Variants in PRSS3 observed in about 807,000 individuals in gnomAD.
PRSS3 encodes trypsin-3.
Under a neutral mutation model 20.8 loss-of-function variants are expected in PRSS3, and 14 were observed. That is an observed-to-expected ratio of 0.67 (90% confidence interval 0.44 to 1.05). The LOEUF (loss-of-function observed/expected upper bound fraction) is 1.05. Ranked by LOEUF, PRSS3 falls within the 50% of genes least tolerant of loss-of-function variation. PRSS3 has a pLI of 0.00. For synonymous variants in PRSS3, 91 were observed against 117.6 expected (o/e 0.77, Z 1.46); for missense variants, 237 against 306.4 (o/e 0.77, Z 1.69).
intron 1 of PRSS3, among the ~76,000 whole-genome samples, chr9:33,784,429 G>A (rs910771927): frequency 3.9e-5 from 6 of 152,196 alleles, no homozygotes; most frequent in African/African-American, 9.6e-5. Flanking sequence ...ACTTAGCAGA[G>A]TTTATCTTGA....
chr9:33,786,724 C>T (rs753387362), intron 1 of PRSS3: 2 of 766,076 alleles, frequency 2.6e-6, no homozygotes, highest in Non-Finnish European at 4.8e-6. Context: ...GCAGATTTGT[C>T]ATTGACAAGT....
chr9:33,769,718 T>A (rs781222824), intron 1 of PRSS3, among the ~76,000 whole-genome samples: 34 of 152,144 alleles, frequency 2.2e-4, no homozygotes, highest in Non-Finnish European at 1.8e-4. Context: ...ACTGGTGCCA[T>A]TTCCTTGGTT....
chr9:33,779,013 G>A (rs1824063945), intron 1 of PRSS3, among the ~76,000 whole-genome samples: 1 of 152,194 alleles, frequency 6.6e-6, no homozygotes. Flanking sequence ...GAAACCAGGT[G>A]CAAGAATTCA....
intron 1 of PRSS3, among the ~76,000 whole-genome samples, chr9:33,779,081 T>A (rs1824067234): frequency 1.3e-5 from 2 of 152,168 alleles, no homozygotes; most frequent in South Asian, 4.1e-4. Context: ...CAGAAATGAA[T>A]CCAACTGACC....
chr9:33,772,598 G>A (rs944533365), intron 1 of PRSS3, among the ~76,000 whole-genome samples: 1 of 151,648 alleles, frequency 6.6e-6, no homozygotes, highest in African/African-American at 2.4e-5. Flanking sequence ...CGCTCTTGTC[G>A]CTCTTCTTGC....
intron 1 of PRSS3, among the ~76,000 whole-genome samples, chr9:33,781,998 GC>G (rs1587388277): frequency 1.3e-5 from 2 of 152,198 alleles, no homozygotes; most frequent in African/African-American, 2.4e-5. Context: ...ACGCCCTTGT[GC>G]ATATTTATAT....
intron 1 of PRSS3, among the ~76,000 whole-genome samples, chr9:33,778,517 T>C (rs116899754): frequency 0.02 from 3,107 of 152,252 alleles, 42 homozygotes; most frequent in Non-Finnish European, 0.032. Flanking sequence ...TTACAACATA[T>C]AAAAATTATA....
chr9:33,764,419 G>C (rs1392937000), intron 1 of PRSS3, among the ~76,000 whole-genome samples: 1 of 152,272 alleles, frequency 6.6e-6, no homozygotes, highest in Non-Finnish European at 1.5e-5. Flanking sequence ...TGTAATCCCA[G>C]CTACTCAGGA....
At chr9:33,751,600 G>C (rs935707741) in intron 1 of PRSS3, among the ~76,000 whole-genome samples, 1 of 152,182 alleles carries the variant, frequency 6.6e-6, no homozygotes, top group African/African-American at 2.4e-5. Flanking sequence ...CTCTTCGACT[G>C]CTTTCTGCCG....
intron 1 of PRSS3, 81 bp downstream of exon 1, chr9:33,795,694 T>A (rs1473135952): frequency 1.9e-5 from 28 of 1,500,918 alleles, no homozygotes; most frequent in Non-Finnish European, 2.6e-5. Flanking sequence ...CCACCTCTCC[T>A]CTTTTGACTG....
chr9:33,754,745 C>T (rs1477416439), intron 1 of PRSS3, among the ~76,000 whole-genome samples: 2 of 152,056 alleles, frequency 1.3e-5, no homozygotes, highest in Non-Finnish European at 2.9e-5. Context: ...GCAGGAGAAT[C>T]GCTTGAACCC....
intron 1 of PRSS3, among the ~76,000 whole-genome samples, chr9:33,766,434 A>T (rs528828418): frequency 6.6e-6 from 1 of 151,474 alleles, no homozygotes; most frequent in East Asian, 1.9e-4. Flanking sequence ...TTAGCCGGGC[A>T]TGGTGGCAGG....
intron 1 of PRSS3, among the ~76,000 whole-genome samples, chr9:33,754,386 A>C (rs1443286409): frequency 2.0e-5 from 3 of 151,810 alleles, no homozygotes; most frequent in African/African-American, 4.8e-5. Flanking sequence ...TCTTTATAAT[A>C]AATAATAATA....
intron 1 of PRSS3, among the ~76,000 whole-genome samples, chr9:33,761,874 G>A (rs1349241745): frequency 6.6e-6 from 1 of 151,746 alleles, no homozygotes; most frequent in Non-Finnish European, 1.5e-5. Context: ...GTGAGACCTT[G>A]TCTCAAAAAA....
At chr9:33,756,863 T>A (rs147295256) in intron 1 of PRSS3, among the ~76,000 whole-genome samples, 9 of 152,374 alleles carry the variant, frequency 5.9e-5, no homozygotes, top group Non-Finnish European at 7.3e-5. Flanking sequence ...CTTTTAATGT[T>A]GCTTTTGGCC....
At chr9:33,764,829 T>C (rs1009422630) in intron 1 of PRSS3, among the ~76,000 whole-genome samples, 2 of 152,110 alleles carry the variant, frequency 1.3e-5, no homozygotes, top group African/African-American at 4.8e-5. Context: ...AACTCAATAA[T>C]AGACAAGTAA....
chr9:33,788,974 T>C (rs1404226785), intron 1 of PRSS3, among the ~76,000 whole-genome samples: 4 of 152,230 alleles, frequency 2.6e-5, no homozygotes, highest in Non-Finnish European at 5.9e-5. Flanking sequence ...ATCTAAATTA[T>C]ATTAATTTTT....
At position 33,750,927 on chromosome 9, in the gene PRSS3, G is replaced by T; in HGVS notation, c.-53+200G>T. 8.1e-7 allele frequency: 1 copy of T among 1,241,574 alleles called. No individual in the cohort carries two copies. Among genetic ancestry groups the T allele is most frequent in the Non-Finnish European group, 1.0e-6 (1 of 972,768 alleles). 76.9% of individuals were successfully genotyped at this position (1,241,574 alleles called of 1,614,324 possible). ...ATGGAGGCTCCTCTAGGGGAGGACG[G>T]GAGGGGATGGAGGGCCCTGGTGTCG... On this transcript the variant is annotated intron_variant, in intron 1 of 5. Transcript: ENST00000342836. The surrounding 1 kb of genome is among the most constrained non-coding windows in gnomAD (Gnocchi z 4.8).
intron 1 of PRSS3, among the ~76,000 whole-genome samples, chr9:33,780,068 C>G (rs944353756): frequency 1.3e-5 from 2 of 151,872 alleles, no homozygotes; most frequent in African/African-American, 4.8e-5. Context: ...ACAGAGAACC[C>G]TGGCTAGTTA....
Sources: gnomAD v4.1 joint callset for allele counts (sites outside exome capture counted in the v4.1 genomes callset) on GRCh38, gnomAD v4.1.1 for gene constraint, Gnocchi (gnomAD v3.1) non-coding constraint, MANE v1.5 for transcripts, NCBI Gene and HGNC (gene_info 2026-07-23, HGNC 2026-07-21) for gene names.